Variants in GRIK4 observed in about 807,000 individuals in gnomAD.
The protein encoded by GRIK4 is glutamate ionotropic receptor kainate type subunit 4.
In GRIK4, 40 loss-of-function variants were observed where a neutral mutation model predicts 104.9. The observed-to-expected ratio is 0.38, with a 90% CI of 0.30 to 0.50. The LOEUF is 0.50. Among genes scored for constraint, GRIK4 ranks in the 20% least tolerant of loss-of-function variants. The pLI is 0.93. For synonymous variants in GRIK4, 485 were observed against 524.9 expected, an observed-to-expected ratio of 0.92 and a Z score of 1.04; for missense variants, 1,047 against 1,308.1, an observed-to-expected ratio of 0.80 and a Z score of 3.08.
chr11:120,966,785 G>A (rs1266260154), intron 18 of GRIK4, among the ~76,000 whole-genome samples: 4 of 152,200 alleles, frequency 2.6e-5, no homozygotes, highest in Admixed American at 6.5e-5. Flanking sequence ...TGCAGCCAGC[G>A]TCCTGTGTGT....
intron 1 of GRIK4, among the ~76,000 whole-genome samples, chr11:120,546,780 C>T (rs1201892232): frequency 6.6e-6 from 1 of 152,158 alleles, no homozygotes; most frequent in Non-Finnish European, 1.5e-5. Flanking sequence ...GAAGTCCCCT[C>T]CCACTGTGTG....
At chr11:120,846,644 A>G (rs1953859379) in intron 8 of GRIK4, among the ~76,000 whole-genome samples, 1 of 152,154 alleles carries the variant, frequency 6.6e-6, no homozygotes, top group African/African-American at 2.4e-5. Context: ...CGTTTGCTGG[A>G]CTTTTCAGCA....
intron 16 of GRIK4, among the ~76,000 whole-genome samples, chr11:120,959,515 A>G (rs560488691): frequency 1.3e-5 from 2 of 152,366 alleles, no homozygotes; most frequent in East Asian, 1.9e-4. Context: ...CTCAGGCTCC[A>G]CTGATTCAGA....
intron 1 of GRIK4, among the ~76,000 whole-genome samples, chr11:120,528,661 G>T (rs573973871): frequency 6.6e-6 from 1 of 152,174 alleles, no homozygotes; most frequent in Non-Finnish European, 1.5e-5. Flanking sequence ...CAATCATGGC[G>T]GAAGGCAAAG....
In GRIK4 at chr11:120,620,891, A is replaced by G. The variant is rs534678772; in HGVS notation, c.-158-32794A>G. Among the ~76,000 whole-genome samples, 6 of 152,282 alleles carry G rather than the reference A, an allele frequency of 3.9e-5. No homozygotes were observed. In the South Asian group the frequency reaches 1.0e-3, roughly 26 times the overall value. On this transcript the variant is annotated intron_variant, in intron 1 of 20. Coordinates refer to ENST00000527524, the MANE Select transcript of GRIK4 (RefSeq NM_014619.5). Reference sequence around the variant, plus strand: ...TCTCATTCAATCCTTACAACCATCCAGTGAAGTAGATATCATTACCCGCCT... The same window carrying G: ...TCTCATTCAATCCTTACAACCATCCGGTGAAGTAGATATCATTACCCGCCT...
At chr11:120,702,715 C>T (rs955133976) in intron 3 of GRIK4, among the ~76,000 whole-genome samples, 2 of 152,080 alleles carry the variant, frequency 1.3e-5, no homozygotes, top group African/African-American at 2.4e-5. Flanking sequence ...CCCAGGGAGA[C>T]GAGGACTGAC....
In GRIK4 at chr11:120,963,997, T is replaced by TTATTTATTTATTTATTTA. The variant is rs10623083; in HGVS notation, c.2266+1317_2266+1318insATTTATTTATTTATTTAT. Among the ~76,000 whole-genome samples, 345 of 146,340 alleles carry TTATTTATTTATTTATTTA rather than the reference T, an allele frequency of 2.4e-3. 8 individuals carry two copies. Among genetic ancestry groups the TTATTTATTTATTTATTTA allele is most frequent in the East Asian group, 3.8e-3 (19 of 5,004 alleles). On this transcript the variant is annotated intron_variant, in intron 18 of 20. Transcript: ENST00000527524. ...TTTATTTATTTATTTATTTATTTAT[T>TTATTTATTTATTTATTTA]TTTATTTATTTTTGAGATGGAGCCT...
intron 1 of GRIK4, among the ~76,000 whole-genome samples, chr11:120,542,538 T>C (rs1235180699): frequency 6.6e-6 from 1 of 152,032 alleles, no homozygotes; most frequent in Non-Finnish European, 1.5e-5. Flanking sequence ...TGGGAGAAAA[T>C]ATTTGCAAGC....
chr11:120,964,791 A>T (rs1944354888), intron 18 of GRIK4, among the ~76,000 whole-genome samples: 1 of 152,210 alleles, frequency 6.6e-6, no homozygotes, highest in East Asian at 1.9e-4. Context: ...AGATGTGGTT[A>T]TTCCCATCCT....
intron 1 of GRIK4, among the ~76,000 whole-genome samples, chr11:120,574,752 C>T (rs1396368684): frequency 1.3e-5 from 2 of 152,198 alleles, no homozygotes; most frequent in Admixed American, 6.5e-5. Flanking sequence ...CACTTTGTGT[C>T]TACAGAAGCA....
At chr11:120,551,739 C>T (rs1948142498) in intron 1 of GRIK4, among the ~76,000 whole-genome samples, 1 of 152,084 alleles carries the variant, frequency 6.6e-6, no homozygotes, top group African/African-American at 2.4e-5. Flanking sequence ...CGAGATCACA[C>T]CGTTGCACTC....
rs200373505 is a variant in GRIK4, at chr11:120,819,833, A to G, written c.424A>G (p.Ser142Gly). 19 of 1,614,114 alleles carry G rather than the reference A, an allele frequency of 1.2e-5. No homozygotes were observed. The East Asian group carries it at 4.0e-4, about 34-fold the overall frequency. Reference sequence around the variant, plus strand: ...ATTCACAACCCTGAACCTCCACCCCAGCAACACTGACATCAGCGTGGCTGT... The same window carrying G: ...ATTCACAACCCTGAACCTCCACCCCGGCAACACTGACATCAGCGTGGCTGT... ...QRFTTLNLHP[S>G]NTDISVAVAG... The change falls in exon 6 of 21, where the codon AGC (serine) becomes GGC (glycine). Residue 142 changes from serine to glycine, a missense_variant. Coordinates refer to ENST00000527524, the MANE Select transcript of GRIK4 (RefSeq NM_014619.5). This position sits in a 1 kb window ranked among gnomAD's most constrained non-coding sequence, Gnocchi z 4.3.
At chr11:120,730,801 T>C (rs541533020) in intron 3 of GRIK4, among the ~76,000 whole-genome samples, 1 of 152,330 alleles carries the variant, frequency 6.6e-6, no homozygotes, top group East Asian at 1.9e-4. Context: ...AATTAATTCA[T>C]AGGTATTTAA....
intron 1 of GRIK4, among the ~76,000 whole-genome samples, chr11:120,525,461 A>G (rs1174479053): frequency 1.3e-5 from 2 of 152,168 alleles, no homozygotes; most frequent in Admixed American, 1.3e-4. Flanking sequence ...GCTGCCAGCC[A>G]GCCCCATTCA....
intron 8 of GRIK4, among the ~76,000 whole-genome samples, chr11:120,845,196 A>G (rs1398606591): frequency 6.6e-6 from 1 of 152,164 alleles, no homozygotes; most frequent in African/African-American, 2.4e-5. Context: ...GAGAATAGAG[A>G]AAGGGTTTAA....
At chr11:120,557,754 C>T (rs558990699) in intron 1 of GRIK4, among the ~76,000 whole-genome samples, 8 of 152,276 alleles carry the variant, frequency 5.3e-5, no homozygotes, top group Non-Finnish European at 1.0e-4. Context: ...CGGTGGCTCA[C>T]GCCTGTAATC....
At chr11:120,908,732 G>A (rs987385249) in intron 13 of GRIK4, among the ~76,000 whole-genome samples, 4 of 152,186 alleles carry the variant, frequency 2.6e-5, no homozygotes, top group African/African-American at 9.7e-5. Context: ...ACAGTCCACC[G>A]CAAGGAGGGG....
intron 4 of GRIK4, among the ~76,000 whole-genome samples, chr11:120,814,780 T>C (rs1027290945): frequency 2.0e-5 from 3 of 152,208 alleles, no homozygotes; most frequent in Admixed American, 2.0e-4. Flanking sequence ...CAGGACGAAG[T>C]GAACGACGGG....
intron 8 of GRIK4, among the ~76,000 whole-genome samples, chr11:120,845,264 G>A (rs1046884503): frequency 5.9e-5 from 9 of 152,256 alleles, no homozygotes; most frequent in South Asian, 4.2e-4. Context: ...GGGCCCTGCC[G>A]TACATTAGAT....
Sources: allele counts gnomAD v4.1 joint callset (sites outside exome capture counted in the v4.1 genomes callset), GRCh38; gene constraint gnomAD v4.1.1; non-coding constraint Gnocchi (gnomAD v3.1); transcripts MANE v1.5; gene names NCBI Gene and HGNC (gene_info 2026-07-23, HGNC 2026-07-21).